SUSD4: variants seen among roughly 807,000 people sequenced by gnomAD.
SUSD4 encodes sushi domain-containing protein 4.
SUSD4 carries 41 observed loss-of-function variants against 50.5 expected under a neutral mutation model. That is an observed-to-expected ratio of 0.81 (90% CI 0.63 to 1.05). The LOEUF (loss-of-function observed/expected upper bound fraction) is 1.05. Ranked by LOEUF, SUSD4 falls within the 50% of genes least tolerant of loss-of-function variation. The pLI is 0.00. For synonymous variants in SUSD4, 257 were observed against 257.3 expected, an observed-to-expected ratio of 1.00 and a Z score of 0.01; for missense variants, 580 against 634.7, an observed-to-expected ratio of 0.91 and a Z score of 0.93.
chr1:223,243,280 C>T (rs1660707592), intron 5 of SUSD4, among the ~76,000 whole-genome samples: 1 of 152,192 alleles, frequency 6.6e-6, no homozygotes, highest in Non-Finnish European at 1.5e-5. Context: ...GGCTGGGCTG[C>T]CCGCCTTGCC....
chr1:223,252,823 C>T (rs1313740688), intron 5 of SUSD4, among the ~76,000 whole-genome samples: 3 of 151,808 alleles, frequency 2.0e-5, no homozygotes, highest in South Asian at 2.1e-4. Flanking sequence ...CATTAGGGGC[C>T]GGGCGCAGAG....
At chr1:223,305,296 G>C (rs527695648) in intron 2 of SUSD4, among the ~76,000 whole-genome samples, 2 of 152,196 alleles carry the variant, frequency 1.3e-5, no homozygotes, top group South Asian at 2.1e-4. Context: ...AAGCTTCAAA[G>C]AACCCCCTGA....
At chr1:223,358,121 T>G (rs1467540907) in intron 2 of SUSD4, among the ~76,000 whole-genome samples, 1 of 152,188 alleles carries the variant, frequency 6.6e-6, no homozygotes, top group Non-Finnish European at 1.5e-5. Context: ...AAAAATAATT[T>G]TATGCATGCT....
At chr1:223,360,133 A>AC in intron 2 of SUSD4, 2 of 458,666 alleles carry the variant, frequency 4.4e-6, no homozygotes, top group Non-Finnish European at 9.0e-6. Context: ...AAGTCCTGAG[A>AC]CCCCAAAGCT....
intron 4 of SUSD4, among the ~76,000 whole-genome samples, chr1:223,266,637 C>T (rs551384386): frequency 6.6e-6 from 1 of 152,342 alleles, no homozygotes; most frequent in South Asian, 2.1e-4. Context: ...CTAAATGTAA[C>T]AGTCGAAAAT....
chr1:223,232,188 G>A (rs1341013134), intron 5 of SUSD4, among the ~76,000 whole-genome samples: 1 of 152,192 alleles, frequency 6.6e-6, no homozygotes, highest in Non-Finnish European at 1.5e-5. Flanking sequence ...ATCAGAAGAT[G>A]TAGGTCAAAG....
At chr1:223,286,568 T>C (rs148816082) in intron 3 of SUSD4, among the ~76,000 whole-genome samples, 1 of 152,262 alleles carries the variant, frequency 6.6e-6, no homozygotes, top group African/African-American at 2.4e-5. Flanking sequence ...ATGCAAATCT[T>C]AACCAGACCA....
At chr1:223,298,250 C>A (rs1485570692) in intron 2 of SUSD4, among the ~76,000 whole-genome samples, 1 of 152,270 alleles carries the variant, frequency 6.6e-6, no homozygotes, top group Admixed American at 6.5e-5. Flanking sequence ...ACCATCTCCA[C>A]CCACCAAACA....
intron 2 of SUSD4, among the ~76,000 whole-genome samples, chr1:223,320,992 A>G (rs1666539545): frequency 6.6e-6 from 1 of 152,132 alleles, no homozygotes; most frequent in Admixed American, 6.5e-5. Flanking sequence ...CTCATTCCAC[A>G]TGTGGCATGA....
At chr1:223,342,855 A>G (rs934807006) in intron 2 of SUSD4, among the ~76,000 whole-genome samples, 4 of 152,190 alleles carry the variant, frequency 2.6e-5, no homozygotes, top group African/African-American at 9.6e-5. Context: ...CGGTTTCTCT[A>G]TGGCAGAAAC....
chr1:223,226,780 A>G (rs1055714958), intron 7 of SUSD4, among the ~76,000 whole-genome samples: 6 of 152,366 alleles, frequency 3.9e-5, no homozygotes, highest in African/African-American at 1.2e-4. Flanking sequence ...AAGGCAAGGA[A>G]AAGACAGCTT....
intron 2 of SUSD4, among the ~76,000 whole-genome samples, chr1:223,325,318 A>G (rs1226221184): frequency 6.6e-6 from 1 of 152,208 alleles, no homozygotes; most frequent in African/African-American, 2.4e-5. Context: ...CAGAAAAGAC[A>G]TGATTCTAAC....
intron 3 of SUSD4, among the ~76,000 whole-genome samples, chr1:223,279,894 C>T (rs1346994148): frequency 2.6e-5 from 4 of 152,164 alleles, no homozygotes; most frequent in Non-Finnish European, 5.9e-5. Context: ...GATCTCTCGG[C>T]AGAAACTATG....
At chr1:223,359,170 C>G (rs1272189080) in intron 2 of SUSD4, 3 of 470,748 alleles carry the variant, frequency 6.4e-6, no homozygotes, top group African/African-American at 6.0e-5. Context: ...ATATTTTGCT[C>G]CTGCTCTCCA....
At chr1:223,303,080 C>T (rs1187836029) in intron 2 of SUSD4, among the ~76,000 whole-genome samples, 2 of 151,908 alleles carry the variant, frequency 1.3e-5, no homozygotes, top group Admixed American at 6.6e-5. Context: ...CCCAGGAGTT[C>T]GAGGCTATAG....
At chr1:223,307,009 T>C (rs1410754400) in intron 2 of SUSD4, among the ~76,000 whole-genome samples, 5 of 152,012 alleles carry the variant, frequency 3.3e-5, no homozygotes, top group Admixed American at 1.3e-4. Context: ...TTTATAGTCT[T>C]TTCTTTTACA....
chr1:223,283,574 G>A (rs1663912882), intron 3 of SUSD4, among the ~76,000 whole-genome samples: 1 of 152,118 alleles, frequency 6.6e-6, no homozygotes, highest in African/African-American at 2.4e-5. Flanking sequence ...TAAAAAGTCA[G>A]GAAACAACAG....
intron 2 of SUSD4, among the ~76,000 whole-genome samples, chr1:223,293,741 G>A (rs953183330): frequency 6.6e-6 from 1 of 152,182 alleles, no homozygotes; most frequent in Non-Finnish European, 1.5e-5. Context: ...CAGCTGGGAT[G>A]AATGCGGACA....
chr1:223,280,263 A>G (rs1330861977), intron 3 of SUSD4, among the ~76,000 whole-genome samples: 1 of 152,118 alleles, frequency 6.6e-6, no homozygotes, highest in Non-Finnish European at 1.5e-5. Context: ...AAATGGGCTA[A>G]ATGCTCCAAT....
Sources: allele counts gnomAD v4.1 joint callset (sites outside exome capture counted in the v4.1 genomes callset), GRCh38; gene constraint gnomAD v4.1.1; transcripts MANE v1.5; gene names NCBI Gene and HGNC (gene_info 2026-07-23, HGNC 2026-07-21).